PRUNE2: variants seen among roughly 807,000 people sequenced by gnomAD.
PRUNE2 encodes the protein prune homolog 2 with BCH domain.
In PRUNE2, 164 loss-of-function variants were observed where a neutral mutation model predicts 252.0. That is an observed-to-expected ratio of 0.65 (90% confidence interval 0.57 to 0.74). The LOEUF is 0.74. PRUNE2 is among the 30% of genes least tolerant of loss of function. The pLI, the probability that PRUNE2 is intolerant of heterozygous loss-of-function variation, is 0.00. For missense variants in PRUNE2, 3,495 were observed against 3,711.0 expected (o/e 0.94, Z 1.51); for synonymous variants, 1,292 against 1,350.2 (o/e 0.96, Z 0.94).
chr9:76,669,048 T>A (rs1346295953), intron 9 of PRUNE2, among the ~76,000 whole-genome samples: 1 of 151,640 alleles, frequency 6.6e-6, no homozygotes, highest in Non-Finnish European at 1.5e-5. Context: ...TCCTACTGGA[T>A]TAGGGCCTAC....
intron 6 of PRUNE2, among the ~76,000 whole-genome samples, chr9:76,802,451 C>T (rs927717586): frequency 3.3e-5 from 5 of 152,194 alleles, no homozygotes; most frequent in African/African-American, 4.8e-5. Flanking sequence ...ATTTATTTTA[C>T]ATACCCTAAC....
intron 1 of PRUNE2, among the ~76,000 whole-genome samples, chr9:76,871,968 G>C (rs144538491): frequency 2.0e-5 from 3 of 152,202 alleles, no homozygotes; most frequent in Non-Finnish European, 4.4e-5. Flanking sequence ...TGTAGATAGT[G>C]ACATTGTAAA....
chr9:76,901,914 T>C (rs1376124104), intron 1 of PRUNE2, among the ~76,000 whole-genome samples: 2 of 152,194 alleles, frequency 1.3e-5, no homozygotes, highest in Non-Finnish European at 2.9e-5. Flanking sequence ...GCCCTGTATC[T>C]TGCTGGTGAC....
chr9:76,760,136 A>C (rs1230594364), intron 6 of PRUNE2: 1 of 152,242 alleles, frequency 6.6e-6, no homozygotes, highest in Non-Finnish European at 1.5e-5. Flanking sequence ...TTGGTGTAGA[A>C]ACAGGGCTGC....
intron 6 of PRUNE2, among the ~76,000 whole-genome samples, chr9:76,806,787 G>A (rs1310875690): frequency 6.6e-6 from 1 of 151,650 alleles, no homozygotes; most frequent in Admixed American, 6.6e-5. Context: ...CAAAGTGCTG[G>A]GATTACAGGC....
intron 6 of PRUNE2, among the ~76,000 whole-genome samples, chr9:76,815,036 A>G (rs1456250265): frequency 6.6e-6 from 1 of 152,040 alleles, no homozygotes; most frequent in African/African-American, 2.4e-5. Flanking sequence ...ACCTTATTTC[A>G]CTGTTTCATT....
At chr9:76,744,519 C>A (rs1256290181) in intron 6 of PRUNE2, among the ~76,000 whole-genome samples, 1 of 152,170 alleles carries the variant, frequency 6.6e-6, no homozygotes, top group East Asian at 1.9e-4. Flanking sequence ...CTAGTATACA[C>A]AGCCTTACAT....
rs149569870 is a variant in PRUNE2 at position 76,623,409 on chromosome 9, C to T, written c.9188+1043G>A. Among the ~76,000 whole-genome samples the T allele has an allele frequency of 3.3e-3, 498 of 152,092 alleles. 6 individuals carry two copies. In the East Asian group the frequency reaches 0.062, roughly 19 times the overall value. ...TCCCAGGTTCAAACGATTCTCCTTC[C>T]TCAGCCTCCCGAGTAGCTCGGACTA... is the stretch of plus-strand genomic sequence containing the variant. On this transcript the variant is annotated intron_variant, in intron 17 of 18. Transcript: ENST00000376718.
Position 76,638,231 on chromosome 9 carries a change from T to C in PRUNE2, c.8786A>G (p.Asp2929Gly). Residue 2929 changes from aspartate (D) to glycine (G), a missense_variant, in exon 13 of 19, where the codon GAC (aspartate) becomes GGC (glycine). Transcript: ENST00000376718. ...IIVFAACFLPDSSRADYHYVM... is the reference protein window; with the variant it reads ...IIVFAACFLPGSSRADYHYVM... ...ATAGTGGTAATCCGCCCGACTGCTGTCTGGCAGAAAACAGGCGGCAAACAC... is the reference window on the plus strand; with the variant it reads ...ATAGTGGTAATCCGCCCGACTGCTGCCTGGCAGAAAACAGGCGGCAAACAC... 6.2e-7 allele frequency: 1 copy of C among 1,613,894 alleles called. No individual in the cohort carries two copies. Among genetic ancestry groups the C allele is most frequent in the Non-Finnish European group, 8.5e-7 (1 of 1,179,816 alleles).
intron 6 of PRUNE2, among the ~76,000 whole-genome samples, chr9:76,775,137 G>A (rs2053597702): frequency 6.6e-6 from 1 of 152,140 alleles, no homozygotes; most frequent in Admixed American, 6.5e-5. Context: ...AAGTTTATTT[G>A]GTCGGGGGGA....
intron 16 of PRUNE2, among the ~76,000 whole-genome samples, chr9:76,628,792 G>C (rs7850535): frequency 4.0e-5 from 6 of 151,520 alleles, no homozygotes; most frequent in Non-Finnish European, 8.8e-5. Flanking sequence ...AAATAAGATA[G>C]TGCCATTTCC....
chr9:76,648,472 A>C (rs1845852877), intron 11 of PRUNE2, among the ~76,000 whole-genome samples: 1 of 152,198 alleles, frequency 6.6e-6, no homozygotes, highest in Non-Finnish European at 1.5e-5. Context: ...AGACAATGGA[A>C]TATTATTCAG....
chr9:76,728,077 T>C (rs1373756798), intron 6 of PRUNE2, among the ~76,000 whole-genome samples: 1 of 152,116 alleles, frequency 6.6e-6, no homozygotes, highest in Non-Finnish European at 1.5e-5. Context: ...AAATCTATCT[T>C]TTATCTCCAT....
intron 1 of PRUNE2, among the ~76,000 whole-genome samples, chr9:76,863,585 C>A (rs2060671393): frequency 6.6e-6 from 1 of 152,202 alleles, no homozygotes; most frequent in South Asian, 2.1e-4. Flanking sequence ...AATAAAGTTG[C>A]ATTAAGTATG....
At chr9:76,837,801 T>C (rs2059117281) in intron 4 of PRUNE2, among the ~76,000 whole-genome samples, 2 of 151,126 alleles carry the variant, frequency 1.3e-5, no homozygotes, top group South Asian at 4.2e-4. Flanking sequence ...AGACGGAGTC[T>C]TGCTCTGTCG....
intron 1 of PRUNE2, among the ~76,000 whole-genome samples, chr9:76,869,683 T>C (rs761869373): frequency 6.6e-6 from 1 of 152,184 alleles, no homozygotes; most frequent in Non-Finnish European, 1.5e-5. Context: ...AGCATAAACA[T>C]GTTGATATAA....
intron 6 of PRUNE2, chr9:76,739,157 C>A (rs2049346171): frequency 6.6e-6 from 1 of 152,122 alleles, no homozygotes; most frequent in African/African-American, 2.4e-5. Context: ...CAAAGAACAC[C>A]AAACTGCAGA....
intron 9 of PRUNE2, among the ~76,000 whole-genome samples, chr9:76,696,517 C>T (rs1343103404): frequency 6.6e-6 from 1 of 152,154 alleles, no homozygotes; most frequent in Non-Finnish European, 1.5e-5. Context: ...CCTCCCCCAC[C>T]CAGGTTCAAG....
intron 6 of PRUNE2, among the ~76,000 whole-genome samples, chr9:76,768,804 G>A (rs1319104222): frequency 6.6e-6 from 1 of 152,060 alleles, no homozygotes; most frequent in Admixed American, 6.6e-5. Flanking sequence ...CTGGACATTT[G>A]CATGGTATGA....
Sources: allele counts gnomAD v4.1 joint callset (sites outside exome capture counted in the v4.1 genomes callset), GRCh38; gene constraint gnomAD v4.1.1; transcripts MANE v1.5; gene names NCBI Gene and HGNC (gene_info 2026-07-23, HGNC 2026-07-21).